Variants in GLIS3 observed in about 807,000 individuals in gnomAD.
GLIS3 encodes zinc finger protein GLIS3.
A neutral mutation model predicts 78.6 loss-of-function variants in GLIS3; 53 were observed. The ratio of observed to expected loss-of-function variants is 0.67; its 90% CI spans 0.54 to 0.85. The LOEUF (loss-of-function observed/expected upper bound fraction) is 0.85. GLIS3 is among the 40% of genes least tolerant of loss of function. GLIS3 has a pLI of 0.00. For missense variants in GLIS3, 1,703 were observed against 1,231.1 expected (o/e 1.38, Z -5.74); for synonymous variants, 684 against 509.9 (o/e 1.34, Z -4.60).
At chr9:4,132,947 C>T (rs1005016221) in intron 2 of GLIS3, among the ~76,000 whole-genome samples, 2 of 152,016 alleles carry the variant, frequency 1.3e-5, no homozygotes, top group Admixed American at 6.6e-5. Context: ...AGTAATAATA[C>T]CTAACTCATA....
In GLIS3 at chr9:4,036,272, CT is replaced by C. The variant is rs574580834; in HGVS notation, c.1710+81495del. 9.4e-3 allele frequency among the ~76,000 whole-genome samples: 1,411 copies of C among 149,982 alleles called. 7 individuals are homozygous for C. Among genetic ancestry groups the C allele is most frequent in the Non-Finnish European group, 0.011 (755 of 67,302 alleles). ...GGCTAAGAACACAGAAATCAAATCT[CT>C]TTTTTTTTTCTCTCAGGCCTTGCCC... On this transcript the variant is annotated intron_variant, in intron 4 of 10. Transcript: ENST00000381971.
chr9:4,397,029 T>C, the GLIS3 span, among the ~76,000 whole-genome samples: 4,854 of 143,226 alleles, frequency 0.034, 246 homozygotes, highest in East Asian at 0.24. Flanking sequence ...TTTTTCTTTT[T>C]TTTTTTTTTT....
At chr9:4,279,447 GA>G (rs1285592694) in intron 2 of GLIS3, among the ~76,000 whole-genome samples, 7 of 143,118 alleles carry the variant, frequency 4.9e-5, no homozygotes, top group East Asian at 4.1e-4. Context: ...GGAACTGGAA[GA>G]AAAAAAACAA....
At chr9:3,956,758 A>G (rs576336231) in intron 4 of GLIS3, among the ~76,000 whole-genome samples, 1 of 152,280 alleles carries the variant, frequency 6.6e-6, no homozygotes, top group South Asian at 2.1e-4. Context: ...CAGTAATTTC[A>G]TTACAGAAAC....
intron 8 of GLIS3, among the ~76,000 whole-genome samples, chr9:3,858,229 T>C (rs759593597): frequency 7.9e-5 from 12 of 152,294 alleles, no homozygotes; most frequent in South Asian, 2.1e-4. Context: ...CCTCTTTCTG[T>C]TGAGGACTGA....
chr9:3,986,902 C>T (rs1023316870), intron 4 of GLIS3, among the ~76,000 whole-genome samples: 12 of 152,146 alleles, frequency 7.9e-5, no homozygotes, highest in African/African-American at 2.9e-4. Context: ...ATGAAATGTG[C>T]AGGATATAAT....
At chr9:4,442,159 TC>T in the GLIS3 span, among the ~76,000 whole-genome samples, 1 of 152,216 alleles carries the variant, frequency 6.6e-6, no homozygotes, top group South Asian at 2.1e-4. Flanking sequence ...ATTTTCTATT[TC>T]TTCACAATTC....
At chr9:4,039,621 A>C (rs1824631949) in intron 4 of GLIS3, among the ~76,000 whole-genome samples, 1 of 152,202 alleles carries the variant, frequency 6.6e-6, no homozygotes, top group Admixed American at 6.5e-5. Context: ...TCGTCCAAGG[A>C]AACACCACTA....
the GLIS3 span, among the ~76,000 whole-genome samples, chr9:4,385,721 GAGAAAGAAAGAAAGAAAAAGAA>G: frequency 4.0e-5 from 2 of 49,420 alleles, no homozygotes; most frequent in African/African-American, 7.1e-5. Flanking sequence ...GAGAGAGAGA[GAGAAAGAAAGAAAGAAAAAGAA>G]AGAAAGAAAG....
chr9:4,410,886 T>A, the GLIS3 span, among the ~76,000 whole-genome samples: 2 of 152,194 alleles, frequency 1.3e-5, no homozygotes, highest in Non-Finnish European at 2.9e-5. Context: ...GGAAGGTCAA[T>A]GCAGATTTCT....
rs1443507534 is a variant in GLIS3 at position 3,824,334 on chromosome 9, T to G, written c.*3938A>C. On this transcript the variant is annotated 3_prime_UTR_variant, in exon 11 of 11. Transcript: ENST00000381971. ...CTTGAACATTCCCTCCCGCATCATC[T>G]GCCTTTAATTATAATTACCATTCCC... 6.6e-6 allele frequency: 1 copy of G among 152,644 alleles called. No homozygotes were observed. Among genetic ancestry groups the G allele is most frequent in the Non-Finnish European group, 1.5e-5 (1 of 68,046 alleles). 9.5% of individuals were successfully genotyped at this position (152,644 alleles called of 1,614,324 possible).
intron 2 of GLIS3, among the ~76,000 whole-genome samples, chr9:4,282,481 C>T (rs1317834200): frequency 6.6e-6 from 1 of 152,188 alleles, no homozygotes; most frequent in South Asian, 2.1e-4. Context: ...TTCTTCCTGC[C>T]TGATTGCCTT....
At chr9:4,071,707 A>G (rs527527213) in intron 4 of GLIS3, 2 of 152,310 alleles carry the variant, frequency 1.3e-5, no homozygotes, top group South Asian at 4.1e-4. Flanking sequence ...AAATCAGAGG[A>G]AAGAAGGACA....
At chr9:4,150,327 T>A (rs1834575788) in intron 2 of GLIS3, among the ~76,000 whole-genome samples, 1 of 152,226 alleles carries the variant, frequency 6.6e-6, no homozygotes, top group South Asian at 2.1e-4. Context: ...CTGCTTTTAC[T>A]AACCAATAAA....
At chr9:4,172,874 TGCA>T (rs1816493046) in intron 2 of GLIS3, among the ~76,000 whole-genome samples, 1 of 152,182 alleles carries the variant, frequency 6.6e-6, no homozygotes, top group African/African-American at 2.4e-5. Context: ...ATGGAAATAC[TGCA>T]GGCTCCATTT....
At chr9:4,418,595 A>C in the GLIS3 span, among the ~76,000 whole-genome samples, 1 of 152,068 alleles carries the variant, frequency 6.6e-6, no homozygotes, top group Non-Finnish European at 1.5e-5. Flanking sequence ...GCTACTCAGG[A>C]GGCTGAGGCA....
intron 4 of GLIS3, among the ~76,000 whole-genome samples, chr9:4,102,399 T>C (rs534347779): frequency 3.3e-5 from 5 of 152,300 alleles, no homozygotes; most frequent in African/African-American, 1.2e-4. Flanking sequence ...ATAACGGCCC[T>C]GTCTCTACAA....
intron 4 of GLIS3, among the ~76,000 whole-genome samples, chr9:3,945,586 C>T (rs1398982935): frequency 6.6e-6 from 1 of 152,082 alleles, no homozygotes; most frequent in Non-Finnish European, 1.5e-5. Flanking sequence ...CCAATACCTC[C>T]ATATTATTTT....
intron 2 of GLIS3, among the ~76,000 whole-genome samples, chr9:4,273,964 T>C (rs1826758482): frequency 6.6e-6 from 1 of 152,142 alleles, no homozygotes; most frequent in Non-Finnish European, 1.5e-5. Flanking sequence ...ATCAGCCTCA[T>C]GAAACCAAAG....
Sources: gnomAD v4.1 joint callset for allele counts (sites outside exome capture counted in the v4.1 genomes callset) on GRCh38, gnomAD v4.1.1 for gene constraint, MANE v1.5 for transcripts, NCBI Gene and HGNC (gene_info 2026-07-23, HGNC 2026-07-21) for gene names.